CDC42SE2: variants seen among roughly 807,000 people sequenced by gnomAD.
CDC42SE2 encodes the protein CDC42 small effector protein 2.
CDC42SE2 carries 3 observed loss-of-function variants against 11.5 expected under a neutral mutation model. The observed-to-expected ratio is 0.26, with a 90% CI of 0.12 to 0.67. CDC42SE2 has a LOEUF of 0.67. Ranked by LOEUF, CDC42SE2 falls within the 30% of genes least tolerant of loss-of-function variation. The pLI, the probability that CDC42SE2 is intolerant of heterozygous loss-of-function variation, is 0.80. For synonymous variants in CDC42SE2, 33 were observed against 34.8 expected, an observed-to-expected ratio of 0.95 and a Z score of 0.18; for missense variants, 82 against 106.8, an observed-to-expected ratio of 0.77 and a Z score of 1.02.
chr5:131,377,774 G>C (rs933657939), intron 3 of CDC42SE2, among the ~76,000 whole-genome samples: 2 of 152,202 alleles, frequency 1.3e-5, no homozygotes, highest in African/African-American at 4.8e-5. Context: ...CTATGAAAGA[G>C]AGAAAATTAA....
Position 131,393,032 on chromosome 5 carries a change from TTTC to T in CDC42SE2, c.*1947_*1949del, listed in dbSNP as rs1338858756. ...TATATTTCAAATATTTCTGTAAAGGTTTCTTCTTTTCTGTTAGAGTGTGGTGTT... is the reference window on the plus strand; with the variant it reads ...TATATTTCAAATATTTCTGTAAAGGTTTCTTTTCTGTTAGAGTGTGGTGTT... On this transcript the variant is annotated 3_prime_UTR_variant, in exon 5 of 5. Transcript: ENST00000505065. 1 of 152,260 alleles carries T rather than the reference TTTC, an allele frequency of 6.6e-6. No homozygotes were observed. The allele number at this position is 152,260 out of a possible 1,614,324, so 9.4% of individuals were successfully genotyped here.
rs565512784 is a variant in CDC42SE2 at position 131,254,850 on chromosome 5, A to G, written n.108-245A>G. Among the ~76,000 whole-genome samples, 105 of 152,304 alleles carry G rather than the reference A, an allele frequency of 6.9e-4. 1 individual carries two copies. Among genetic ancestry groups the G allele is most frequent in the African/African-American group, 2.0e-3 (84 of 41,580 alleles). On this transcript the variant is annotated intron_variant and non_coding_transcript_variant, in intron 1 of 3. Coordinates refer to the CDC42SE2 transcript ENST00000502840. ...AGATTTTTGTTTTAACCTAGTTATCATGGTTGCCAAGTATTACTTTAACTA... is the reference window on the plus strand; with the variant it reads ...AGATTTTTGTTTTAACCTAGTTATCGTGGTTGCCAAGTATTACTTTAACTA...
In CDC42SE2 at chr5:131,305,152, T is replaced by C. The variant is rs73786639; in HGVS notation, c.-454-10824T>C. On this transcript the variant is annotated intron_variant, in intron 1 of 4. Coordinates refer to ENST00000505065, the MANE Select transcript of CDC42SE2 (RefSeq NM_001375635.1). ...TTTGTGTGGCTTCTTTGACTCAGCA[T>C]AATTATTTTGAGATTAATCCATGTT... Among the ~76,000 whole-genome samples, 1,483 of 152,308 alleles carry C rather than the reference T, an allele frequency of 9.7e-3. 26 individuals carry two copies. The highest frequency in any genetic ancestry group is 0.034 in the African/African-American group (1,399 of 41,566).
chr5:131,212,168 C>T, the CDC42SE2 span, among the ~76,000 whole-genome samples: 4 of 151,806 alleles, frequency 2.6e-5, no homozygotes, highest in Admixed American at 2.0e-4. Flanking sequence ...AGTGCAGTGG[C>T]GCGATCTTGG....
At chr5:131,263,427 T>A (rs184667080), upstream of CDC42SE2, among the ~76,000 whole-genome samples, 706 of 152,314 alleles carry the variant, frequency 4.6e-3, 13 homozygotes, top group Non-Finnish European at 3.5e-3. Flanking sequence ...ATTTCTGAGA[T>A]ATGTAAAATA....
intron 3 of CDC42SE2, among the ~76,000 whole-genome samples, chr5:131,363,720 G>T (rs1749777644): frequency 7.8e-6 from 1 of 128,778 alleles, no homozygotes; most frequent in Non-Finnish European, 1.6e-5. Context: ...TTTTGAGAAG[G>T]AGTCTCGCTG....
chr5:131,378,955 ACT>A (rs1215922946), intron 3 of CDC42SE2, among the ~76,000 whole-genome samples: 1 of 152,172 alleles, frequency 6.6e-6, no homozygotes, highest in Non-Finnish European at 1.5e-5. Flanking sequence ...ATTGAGCCTC[ACT>A]GTGTTTCCCT....
intron 1 of CDC42SE2, among the ~76,000 whole-genome samples, chr5:131,284,320 AAG>A (rs754637800): frequency 2.6e-5 from 4 of 152,150 alleles, no homozygotes; most frequent in South Asian, 4.1e-4. Context: ...TTTAACAAAA[AAG>A]AGTCGTTAAA....
At chr5:131,368,070 G>A (rs188459185) in intron 3 of CDC42SE2, among the ~76,000 whole-genome samples, 79 of 151,970 alleles carry the variant, frequency 5.2e-4, no homozygotes, top group Admixed American at 3.7e-3. Flanking sequence ...TGGCTAACAC[G>A]GTGAAACCCT....
chr5:131,360,687 T>C (rs1162887268), intron 3 of CDC42SE2, among the ~76,000 whole-genome samples: 1 of 152,222 alleles, frequency 6.6e-6, no homozygotes, highest in Non-Finnish European at 1.5e-5. Context: ...CATGATTGAT[T>C]GTTGGCTGGC....
intron 2 of CDC42SE2, among the ~76,000 whole-genome samples, chr5:131,353,071 TC>T (rs1478504326): frequency 6.6e-6 from 1 of 152,086 alleles, no homozygotes; most frequent in Non-Finnish European, 1.5e-5. Flanking sequence ...GCTCTAGTGA[TC>T]CTCCAAACTC....
rs2149682526 is a variant in CDC42SE2, at chr5:131,248,298, C to T, written n.107+2699C>T. Among the ~76,000 whole-genome samples the T allele has an allele frequency of 2.0e-5, 3 of 152,172 alleles. No individual in the cohort carries two copies. The South Asian group carries it at 6.2e-4, about 32-fold the overall frequency. On this transcript the variant is annotated intron_variant and non_coding_transcript_variant, in intron 1 of 3. Transcript: ENST00000502840. ...GGGACTGCAGGCGCATGCCACCATG[C>T]TTGGCTAATTTTTGTATTTTTAGTA...
At chr5:131,266,622 A>G (rs1032996148) in intron 1 of CDC42SE2, among the ~76,000 whole-genome samples, 1 of 151,324 alleles carries the variant, frequency 6.6e-6, no homozygotes, top group African/African-American at 2.4e-5. Context: ...ACTATGCCCT[A>G]TTTTTTGTAT....
intron 2 of CDC42SE2, among the ~76,000 whole-genome samples, chr5:131,333,185 T>C (rs1197760799): frequency 6.6e-6 from 1 of 152,224 alleles, no homozygotes; most frequent in Non-Finnish European, 1.5e-5. Context: ...TTTCTACGTA[T>C]GGGTAGCCAG....
chr5:131,337,855 G>C (rs185447768), intron 2 of CDC42SE2, among the ~76,000 whole-genome samples: 23 of 152,250 alleles, frequency 1.5e-4, no homozygotes, highest in African/African-American at 5.3e-4. Flanking sequence ...CGATTTTCCA[G>C]GTGCTGTCTG....
chr5:131,348,731 A>C (rs540240150), intron 2 of CDC42SE2, among the ~76,000 whole-genome samples: 28 of 146,990 alleles, frequency 1.9e-4, no homozygotes, highest in African/African-American at 6.8e-4. Flanking sequence ...ACACTATCTG[A>C]CTTCAAACTA....
intron 2 of CDC42SE2, among the ~76,000 whole-genome samples, chr5:131,342,768 A>G (rs776225464): frequency 7.2e-5 from 11 of 151,820 alleles, no homozygotes; most frequent in Non-Finnish European, 1.5e-4. Flanking sequence ...GTTGGAGTGC[A>G]GTGGCACAAT....
chr5:131,274,323 C>G (rs1031458685), intron 1 of CDC42SE2, among the ~76,000 whole-genome samples: 1 of 152,130 alleles, frequency 6.6e-6, no homozygotes, highest in Non-Finnish European at 1.5e-5. Context: ...GGCCAAAAAC[C>G]TAGTAGACAT....
chr5:131,328,139 A>G (rs1271816730), intron 2 of CDC42SE2, among the ~76,000 whole-genome samples: 2 of 152,152 alleles, frequency 1.3e-5, no homozygotes, highest in African/African-American at 2.4e-5. Context: ...TTGGTTTCCA[A>G]TGCATGTTTT....
Sources: allele counts gnomAD v4.1 joint callset (sites outside exome capture counted in the v4.1 genomes callset), GRCh38; gene constraint gnomAD v4.1.1; transcripts MANE v1.5; gene names NCBI Gene and HGNC (gene_info 2026-07-23, HGNC 2026-07-21).